The following TET2 variants were observed in gnomAD, a reference collection of about 807,000 sequenced individuals.
TET2 encodes tet methylcytosine dioxygenase 2, also known as methylcytosine dioxygenase TET2.
Under a neutral mutation model 142.9 loss-of-function variants are expected in TET2, and 299 were observed. That is an observed-to-expected ratio of 2.09 (90% CI 1.90 to 2.30). The LOEUF is 2.30. TET2 is among the 30% of genes most tolerant of loss of function. TET2 has a pLI of 0.00. For missense variants in TET2, 2,418 were observed against 2,378.0 expected (o/e 1.02, Z -0.35); for synonymous variants, 819 against 849.0 (o/e 0.96, Z 0.61).
intron 2 of TET2, among the ~76,000 whole-genome samples, chr4:105,214,633 A>G (rs1362959364): frequency 6.6e-6 from 1 of 151,612 alleles, no homozygotes; most frequent in Non-Finnish European, 1.5e-5. Flanking sequence ...TGAGTCTTAA[A>G]ACCCCAGAGA....
At chr4:105,221,709 AT>A (rs1050457292) in intron 2 of TET2, among the ~76,000 whole-genome samples, 10 of 150,722 alleles carry the variant, frequency 6.6e-5, no homozygotes, top group African/African-American at 1.9e-4. Context: ...CTTTTTTTTT[AT>A]TTTTTATTTT....
chr4:105,168,972 TTAAC>T (rs1272823408), intron 1 of TET2, among the ~76,000 whole-genome samples: 6 of 152,356 alleles, frequency 3.9e-5, no homozygotes, highest in Admixed American at 6.5e-5. Context: ...CACAGTTTCT[TTAAC>T]TACTCACCGA....
At chr4:105,238,387 A>T (rs1020190945) in intron 3 of TET2, 5 of 240,602 alleles carry the variant, frequency 2.1e-5, no homozygotes, top group Middle Eastern at 1.3e-3. Flanking sequence ...GTAGCATGCA[A>T]TGCTGTTTGA....
chr4:105,275,085 C>T lies in TET2; in HGVS notation c.4575C>T (p.Ser1525=), dbSNP rs1415133258. 6.5e-7 allele frequency: 1 copy of T among 1,548,242 alleles called. No individual in the cohort carries two copies. The highest frequency in any genetic ancestry group is 2.0e-5 in the Admixed American group (1 of 50,700). The change falls in exon 11 of 11, where the codon TCC becomes TCT. Residue 1525 remains serine, a synonymous_variant. Coordinates refer to ENST00000380013, the MANE Select transcript of TET2 (RefSeq NM_001127208.3). The part of the protein sequence containing the change: ...LRLSGPVMQQ[S]QQPQPLQKQP... ...TTTCAGGACCAGTCATGCAGCAGTC[C>T]CAGCAGCCCCAGCCTCTACAGAAGC...
intron 6 of TET2, among the ~76,000 whole-genome samples, chr4:105,256,744 A>G (rs1189607643): frequency 1.3e-5 from 2 of 151,978 alleles, no homozygotes; most frequent in Admixed American, 1.3e-4. Context: ...GGTATGCTTT[A>G]TGGTCTTCCA....
At chr4:105,274,347 C>T (rs1412129142) in intron 10 of TET2, among the ~76,000 whole-genome samples, 1 of 152,188 alleles carries the variant, frequency 6.6e-6, no homozygotes, top group Admixed American at 6.5e-5. Flanking sequence ...AAAGTGTTAT[C>T]TACAACTGTG....
intron 2 of TET2, among the ~76,000 whole-genome samples, chr4:105,222,801 C>T (rs574191962): frequency 5.9e-5 from 9 of 151,712 alleles, no homozygotes; most frequent in South Asian, 2.1e-4. Context: ...GTGCCTATGT[C>T]GTGAATGGTG....
intron 3 of TET2, chr4:105,240,133 A>G (rs1352422662): frequency 1.7e-5 from 4 of 232,772 alleles, no homozygotes; most frequent in Non-Finnish European, 1.8e-5. Flanking sequence ...ATAAATAATA[A>G]TAAACTTTAA....
At chr4:105,148,050 T>TCATACA (rs1276929833) in intron 1 of TET2, among the ~76,000 whole-genome samples, 2 of 151,702 alleles carry the variant, frequency 1.3e-5, no homozygotes, top group African/African-American at 4.9e-5. Context: ...TCTCTCTCTC[T>TCATACA]CATACACATA....
chr4:105,202,507 G>T (rs974170948), intron 2 of TET2: 10 of 152,050 alleles, frequency 6.6e-5, no homozygotes, highest in African/African-American at 2.2e-4. Context: ...TTTATTTTTT[G>T]ATCTTTTTCA....
intron 8 of TET2, among the ~76,000 whole-genome samples, chr4:105,269,085 T>C (rs1336773331): frequency 1.3e-5 from 2 of 152,146 alleles, no homozygotes; most frequent in East Asian, 1.9e-4. Context: ...ATATATAATA[T>C]GGTCAATTGA....
rs1731018290 is a variant in TET2 at position 105,272,607 on chromosome 4, AAC to A, written c.4227_4228del (p.Lys1409AsnfsTer2). ...GAAGACAATCGAGAATTTGGAGGAA[AAC>A]CTGAGGATGAGCAGCTTCACGTTCT... is the stretch of plus-strand genomic sequence containing the variant. On this transcript the variant is annotated frameshift_variant, in exon 10 of 11. Coordinates refer to ENST00000380013, the MANE Select transcript of TET2 (RefSeq NM_001127208.3). LOFTEE classifies it high-confidence loss of function. The A allele has an allele frequency of 6.5e-7, 1 of 1,548,032 alleles. No homozygotes were observed.
chr4:105,164,826 A>C (rs1447804055), intron 1 of TET2, among the ~76,000 whole-genome samples: 1 of 152,226 alleles, frequency 6.6e-6, no homozygotes, highest in Non-Finnish European at 1.5e-5. Flanking sequence ...AAGGGGGAAG[A>C]GATGAAGGAT....
intron 6 of TET2, among the ~76,000 whole-genome samples, chr4:105,245,506 T>G (rs1235534476): frequency 6.6e-6 from 1 of 152,020 alleles, no homozygotes; most frequent in Non-Finnish European, 1.5e-5. Flanking sequence ...AATTTTGTAT[T>G]TTTAGTAGAG....
chr4:105,276,796 A>G lies in TET2; in HGVS notation c.*277A>G. Reference sequence around the variant, plus strand: ...AAGTGTTCCGCAATTTACATTTTTAAACACTGGTTCTATTATTGGACGAGA... The same window carrying G: ...AAGTGTTCCGCAATTTACATTTTTAGACACTGGTTCTATTATTGGACGAGA... On this transcript the variant is annotated 3_prime_UTR_variant, in exon 11 of 11. Coordinates refer to ENST00000380013, the MANE Select transcript of TET2 (RefSeq NM_001127208.3). The G allele has an allele frequency of 2.7e-6, 1 of 372,072 alleles. No individual in the cohort carries two copies. Among genetic ancestry groups the G allele is most frequent in the Non-Finnish European group, 4.9e-6 (1 of 203,696 alleles). The allele number at this position is 372,072 out of a possible 1,614,324, so 23.0% of individuals were successfully genotyped here. A position where few individuals can be genotyped will look rare whatever the true frequency, so the allele number is the denominator to read the frequency against.
Position 105,241,397 on chromosome 4 carries a change from T to C in TET2, c.3468T>C (p.Asn1156=). Residue 1156 remains asparagine, a synonymous_variant, in exon 4 of 11, where the codon AAT becomes AAC. Transcript: ENST00000380013. ...ATACCCATCTAGGAGCAGGTCCTAA[T>C]GTGGCAGCTATTAGAGAAATCATGG... ...PFYTHLGAGP[N]VAAIREIMEE... is the part of the protein sequence containing the mutation. 2 of 1,550,826 alleles carry C rather than the reference T, an allele frequency of 1.3e-6. No individual in the cohort carries two copies. Among genetic ancestry groups the C allele is most frequent in the Non-Finnish European group, 1.7e-6 (2 of 1,146,712 alleles).
Position 105,261,802 on chromosome 4 carries a change from TG to T in TET2, c.4000del (p.Ala1334HisfsTer29). 1 of 1,549,970 alleles carries T rather than the reference TG, an allele frequency of 6.5e-7. No homozygotes were observed. Among genetic ancestry groups the T allele is most frequent in the Non-Finnish European group, 8.7e-7 (1 of 1,145,872 alleles). On this transcript the variant is annotated frameshift_variant, in exon 8 of 11. Transcript: ENST00000380013. LOFTEE classifies it high-confidence loss of function. ...CATTTGCAAAACCTGTCCACTCTTA[TG>T]GCACCAACATATAAGAAACTTGCAC... The part of the protein sequence containing the change: ...ESHLQNLSTL[M>X]APTYKKLAPD...
rs997814243 is a variant in TET2, at chr4:105,242,927, G to A, written c.3594G>A (p.Trp1198Ter). The A allele has an allele frequency of 1.9e-6, 3 of 1,549,790 alleles. No individual in the cohort carries two copies. Among genetic ancestry groups the A allele is most frequent in the Admixed American group, 2.0e-5 (1 of 50,970 alleles). Residue 1198 changes from tryptophan (W) to a stop codon, truncating the protein, a stop_gained and splice_region_variant, in exon 5 of 11, where the codon TGG becomes TGA. Coordinates refer to ENST00000380013, the MANE Select transcript of TET2 (RefSeq NM_001127208.3). LOFTEE classifies it high-confidence loss of function. ...KSSQGCPIAKWVVRRSSSEEK... is the reference protein window; with the variant it reads ...KSSQGCPIAK ...CTCAGGGATGTCCTATTGCTAAGTGGGTAAGTGTGACTTGATAAAGCCTTT... is the reference window on the plus strand; with the variant it reads ...CTCAGGGATGTCCTATTGCTAAGTGAGTAAGTGTGACTTGATAAAGCCTTT...
At chr4:105,184,139 TG>T (rs1725286148) in intron 1 of TET2, among the ~76,000 whole-genome samples, 1 of 152,182 alleles carries the variant, frequency 6.6e-6, no homozygotes, top group African/African-American at 2.4e-5. Context: ...AATTTTTTTT[TG>T]CATTTTCTGT....
Sources: gnomAD v4.1 joint callset for allele counts (sites outside exome capture counted in the v4.1 genomes callset) on GRCh38, gnomAD v4.1.1 for gene constraint, MANE v1.5 for transcripts, NCBI Gene and HGNC (gene_info 2026-07-23, HGNC 2026-07-21) for gene names.